DCAF10: variants seen among roughly 807,000 people sequenced by gnomAD.
DCAF10 encodes DDB1- and CUL4-associated factor 10.
In DCAF10, 19 loss-of-function variants were observed where a neutral mutation model predicts 51.9. The observed-to-expected ratio is 0.37, with a 90% CI of 0.26 to 0.54. DCAF10 has a LOEUF of 0.54. Ranked by LOEUF, DCAF10 falls within the 20% of genes least tolerant of loss-of-function variation. The pLI, the probability that DCAF10 is intolerant of heterozygous loss-of-function variation, is 0.87. For synonymous variants in DCAF10, 291 were observed against 297.1 expected, an observed-to-expected ratio of 0.98 and a Z score of 0.21; for missense variants, 510 against 730.6, an observed-to-expected ratio of 0.70 and a Z score of 3.48.
chr9:37,813,290 CT>C (rs1829411268), intron 1 of DCAF10, among the ~76,000 whole-genome samples: 1 of 152,122 alleles, frequency 6.6e-6, no homozygotes, highest in African/African-American at 2.4e-5. Flanking sequence ...GAGATAGGGT[CT>C]CCACATGTTG....
chr9:37,852,666 T>C (rs1454332888), intron 3 of DCAF10, among the ~76,000 whole-genome samples: 6 of 152,050 alleles, frequency 3.9e-5, no homozygotes, highest in African/African-American at 1.4e-4. Flanking sequence ...ATCCCAGCAC[T>C]TTTGTAGGCC....
chr9:37,836,112 A>G, intron 2 of DCAF10: 1 of 1,276,068 alleles, frequency 7.8e-7, no homozygotes, highest in Non-Finnish European at 1.1e-6. Flanking sequence ...TATCTCTATT[A>G]AAGTACACGA....
intron 2 of DCAF10, chr9:37,835,988 C>T (rs946596313): frequency 3.0e-6 from 3 of 984,130 alleles, no homozygotes; most frequent in Admixed American, 3.4e-5. Flanking sequence ...GAAAAATTCC[C>T]CAATCCCTGC....
At chr9:37,848,029 GA>G (rs1246087065) in intron 3 of DCAF10, among the ~76,000 whole-genome samples, 1 of 152,168 alleles carries the variant, frequency 6.6e-6, no homozygotes, top group African/African-American at 2.4e-5. Context: ...CATGTTCATG[GA>G]TTCGAAGACT....
At chr9:37,821,812 G>A (rs1829709953) in intron 2 of DCAF10, among the ~76,000 whole-genome samples, 1 of 152,082 alleles carries the variant, frequency 6.6e-6, no homozygotes. Context: ...GGAACAGTTG[G>A]CAGAATAAAC....
At chr9:37,800,665 A>T (rs1589067006), upstream of DCAF10, 1 of 1,535,704 alleles carries the variant, frequency 6.5e-7, no homozygotes, top group Non-Finnish European at 8.7e-7. Flanking sequence ...CTCGCTCCCT[A>T]CCTCCGTTCC....
At chr9:37,826,383 G>T (rs1410956991) in intron 2 of DCAF10, among the ~76,000 whole-genome samples, 1 of 152,198 alleles carries the variant, frequency 6.6e-6, no homozygotes, top group Admixed American at 6.5e-5. Context: ...TTAAAAGCTG[G>T]ATAAGCCAAA....
intron 2 of DCAF10, among the ~76,000 whole-genome samples, 172 bp downstream of exon 2, chr9:37,819,573 C>A (rs1438253952): frequency 6.6e-6 from 1 of 152,204 alleles, no homozygotes; most frequent in African/African-American, 2.4e-5. Flanking sequence ...ACAAAACTTA[C>A]TCTTAGCTAT....
In DCAF10 at chr9:37,801,649, G is replaced by C. The variant is rs1401889250; in HGVS notation, c.539+244G>C. ...CCTTCAGGACTTGGGCTCTGTGAAG[G>C]AGAAATGCCCGAAGCTACACAGCGG... On this transcript the variant is annotated intron_variant, in intron 1 of 6. Coordinates refer to ENST00000377724, the MANE Select transcript of DCAF10 (RefSeq NM_024345.5). The surrounding 1 kb of genome is among the most constrained non-coding windows in gnomAD (Gnocchi z 5.5). Among the ~76,000 whole-genome samples the C allele has an allele frequency of 1.3e-5, 2 of 152,204 alleles. No homozygotes were observed. Among genetic ancestry groups the C allele is most frequent in the Non-Finnish European group, 2.9e-5 (2 of 68,024 alleles).
At chr9:37,841,469 A>T (rs930008533) in intron 2 of DCAF10, among the ~76,000 whole-genome samples, 7 of 152,232 alleles carry the variant, frequency 4.6e-5, no homozygotes, top group Non-Finnish European at 7.3e-5. Context: ...AGTGTAAAAT[A>T]ATAAAAAGTC....
intron 1 of DCAF10, among the ~76,000 whole-genome samples, chr9:37,811,703 T>C (rs1398241328): frequency 6.6e-6 from 1 of 152,046 alleles, no homozygotes; most frequent in Non-Finnish European, 1.5e-5. Context: ...TTTACCAAAA[T>C]GGGACATAGA....
At chr9:37,811,926 C>T (rs1221197895) in intron 1 of DCAF10, among the ~76,000 whole-genome samples, 1 of 152,130 alleles carries the variant, frequency 6.6e-6, no homozygotes, top group Admixed American at 6.6e-5. Flanking sequence ...GTGGCGCACC[C>T]CTGTAATCCC....
Position 37,801,037 on chromosome 9 carries a change from C to A in DCAF10, c.171C>A (p.Pro57=), listed in dbSNP as rs905772451. 1.9e-6 allele frequency: 3 copies of A among 1,538,908 alleles called. No homozygotes were observed. Among genetic ancestry groups the A allele is most frequent in the South Asian group, 1.2e-5 (1 of 83,688 alleles). ...PPPPARSPRR[P]GAPSLSPAPR... is the part of the protein sequence containing the mutation. ...CACCCGCCCGAAGCCCTCGCCGCCCCGGCGCCCCATCGCTGTCCCCGGCCC... is the reference window on the plus strand; with the variant it reads ...CACCCGCCCGAAGCCCTCGCCGCCCAGGCGCCCCATCGCTGTCCCCGGCCC... Residue 57 remains proline, a synonymous_variant, in exon 1 of 7, where the codon CCC becomes CCA. Transcript: ENST00000377724. This position sits in a 1 kb window ranked among gnomAD's most constrained non-coding sequence, Gnocchi z 5.5.
chr9:37,811,427 T>C (rs1829345158), intron 1 of DCAF10, among the ~76,000 whole-genome samples: 1 of 152,178 alleles, frequency 6.6e-6, no homozygotes, highest in African/African-American at 2.4e-5. Flanking sequence ...ACAAAGAGAT[T>C]CGTTGTCTGA....
At chr9:37,857,142 CA>C (rs1258155387) in intron 4 of DCAF10, 98 bp from the exon 5 acceptor site, 6 of 964,654 alleles carry the variant, frequency 6.2e-6, no homozygotes, top group Non-Finnish European at 9.0e-6. Context: ...AGCATTTTTT[CA>C]AAATTTTAAA....
At position 37,861,385 on chromosome 9, in the gene DCAF10, G is replaced by C. The variant is rs2118207062; in HGVS notation, c.1557G>C (p.Arg519=). 3 of 1,614,166 alleles carry C rather than the reference G, an allele frequency of 1.9e-6. No homozygotes were observed. The highest frequency in any genetic ancestry group is 2.2e-5 in the South Asian group (2 of 91,078). Reference sequence around the variant, plus strand: ...TGCCCAAAGAAGCCAGTCCCCTGCGGGTGATCCGTTCTCTGTACTCTCATA... The same window carrying C: ...TGCCCAAAGAAGCCAGTCCCCTGCGCGTGATCCGTTCTCTGTACTCTCATA... The part of the protein sequence containing the change: ...DCLPKEASPL[R]VIRSLYSHND... Residue 519 remains arginine (R), a synonymous_variant, in exon 7 of 7, where the codon CGG becomes CGC. Coordinates refer to ENST00000377724, the MANE Select transcript of DCAF10 (RefSeq NM_024345.5). The surrounding 1 kb of genome is among the most constrained non-coding windows in gnomAD (Gnocchi z 4.9).
intron 2 of DCAF10, among the ~76,000 whole-genome samples, chr9:37,834,997 G>C (rs906395619): frequency 3.3e-5 from 5 of 152,062 alleles, no homozygotes; most frequent in Non-Finnish European, 7.4e-5. Flanking sequence ...TGTTGCCCAG[G>C]CTGGTCTCAA....
intron 3 of DCAF10, among the ~76,000 whole-genome samples, chr9:37,851,638 T>C (rs937975916): frequency 1.3e-5 from 2 of 151,246 alleles, no homozygotes; most frequent in East Asian, 2.0e-4. Flanking sequence ...TTACTAAAAA[T>C]ACAAAAATTA....
chr9:37,836,441 T>C, intron 2 of DCAF10: 1 of 1,435,040 alleles, frequency 7.0e-7, no homozygotes, highest in South Asian at 1.1e-5. Flanking sequence ...GAAATGAGGG[T>C]GGGCCAGATG....
Sources: gnomAD v4.1 joint callset for allele counts (sites outside exome capture counted in the v4.1 genomes callset) on GRCh38, gnomAD v4.1.1 for gene constraint, Gnocchi (gnomAD v3.1) non-coding constraint, MANE v1.5 for transcripts, NCBI Gene and HGNC (gene_info 2026-07-23, HGNC 2026-07-21) for gene names.